UBE2O: variants seen among roughly 807,000 people sequenced by gnomAD.
The protein encoded by UBE2O is (E3-independent) E2 ubiquitin-conjugating enzyme.
A neutral mutation model predicts 125.8 loss-of-function variants in UBE2O; 15 were observed. The observed-to-expected ratio is 0.12, with a 90% CI of 0.08 to 0.18. The LOEUF (loss-of-function observed/expected upper bound fraction) is 0.18. Among genes scored for constraint, UBE2O ranks in the 10% least tolerant of loss-of-function variants. The probability of loss-of-function intolerance (pLI) is 1.00; values close to 1 mark genes in which losing one functional copy is unlikely to be tolerated. For synonymous variants in UBE2O, 708 were observed against 703.2 expected (o/e 1.01, Z -0.11); for missense variants, 1,280 against 1,723.6 (o/e 0.74, Z 4.56).
rs910951151 is a variant in UBE2O at position 76,390,219 on chromosome 17, T to C, written c.*724A>G. On this transcript the variant is annotated 3_prime_UTR_variant, in exon 18 of 18. Transcript: ENST00000319380. Reference sequence around the variant, plus strand: ...GACAGAAGAGCAAGGCACCTATAGCTGTTGCTTTCCCTGCAGCTCCCTGGT... The same window carrying C: ...GACAGAAGAGCAAGGCACCTATAGCCGTTGCTTTCCCTGCAGCTCCCTGGT... The C allele has an allele frequency of 2.6e-5, 4 of 152,904 alleles. No individual in the cohort carries two copies. Among genetic ancestry groups the C allele is most frequent in the African/African-American group, 9.6e-5 (4 of 41,464 alleles). 9.5% of individuals were successfully genotyped at this position (152,904 alleles called of 1,614,324 possible). A position where few individuals can be genotyped will look rare whatever the true frequency, so the allele number is the denominator to read the frequency against.
intron 1 of UBE2O, among the ~76,000 whole-genome samples, chr17:76,420,105 G>A (rs2072684579): frequency 1.3e-5 from 2 of 152,082 alleles, no homozygotes; most frequent in Middle Eastern, 3.2e-3. Context: ...GGCCCCCTTC[G>A]CACCACACTC....
chr17:76,419,186 TG>T (rs1355665584), intron 1 of UBE2O, among the ~76,000 whole-genome samples: 2 of 144,662 alleles, frequency 1.4e-5, no homozygotes, highest in Admixed American at 1.4e-4. Flanking sequence ...TGGGGGGCTC[TG>T]GTGAGAGGAT....
chr17:76,449,577 A>C (rs190271593), intron 1 of UBE2O, among the ~76,000 whole-genome samples: 3 of 152,238 alleles, frequency 2.0e-5, no homozygotes. Context: ...TCTGTTTAAA[A>C]AAGAAACTCA....
chr17:76,449,300 C>G (rs779246810), intron 1 of UBE2O, among the ~76,000 whole-genome samples: 11 of 152,272 alleles, frequency 7.2e-5, no homozygotes, highest in Non-Finnish European at 1.3e-4. Flanking sequence ...TGGGGCAAGG[C>G]ACTGTGGCTT....
At chr17:76,427,858 C>G (rs2072838093) in intron 1 of UBE2O, among the ~76,000 whole-genome samples, 1 of 152,310 alleles carries the variant, frequency 6.6e-6, no homozygotes, top group East Asian at 1.9e-4. Context: ...CTGGGAATGG[C>G]TCTTTTGAGG....
chr17:76,409,586 G>C (rs2072483695), intron 1 of UBE2O, among the ~76,000 whole-genome samples: 1 of 151,966 alleles, frequency 6.6e-6, no homozygotes, highest in Admixed American at 6.6e-5. Flanking sequence ...AGTAGAGATG[G>C]AGTTTCACCA....
intron 1 of UBE2O, among the ~76,000 whole-genome samples, chr17:76,426,908 T>A (rs371801297): frequency 6.6e-6 from 1 of 151,260 alleles, no homozygotes; most frequent in Admixed American, 6.6e-5. Flanking sequence ...TCTTAGTAAA[T>A]ACAACTTTTT....
At chr17:76,411,558 C>T (rs1285898478) in intron 1 of UBE2O, among the ~76,000 whole-genome samples, 1 of 152,262 alleles carries the variant, frequency 6.6e-6, no homozygotes, top group East Asian at 1.9e-4. Flanking sequence ...CCAGCCATGC[C>T]ACAGTCATCT....
At chr17:76,443,448 A>G (rs1002578467) in intron 1 of UBE2O, among the ~76,000 whole-genome samples, 10 of 151,986 alleles carry the variant, frequency 6.6e-5, no homozygotes, top group Admixed American at 1.3e-4. Flanking sequence ...ACCACCACGC[A>G]TGGCTAATTT....
intron 1 of UBE2O, among the ~76,000 whole-genome samples, chr17:76,411,432 T>C (rs2072514228): frequency 6.6e-6 from 1 of 152,122 alleles, no homozygotes; most frequent in Admixed American, 6.5e-5. Flanking sequence ...GCCTGGCCAC[T>C]AGCACCAGCA....
chr17:76,450,505 T>TG (rs2073221660), intron 1 of UBE2O, among the ~76,000 whole-genome samples: 1 of 152,104 alleles, frequency 6.6e-6, no homozygotes, highest in Non-Finnish European at 1.5e-5. Flanking sequence ...TAAACCCAGA[T>TG]GCTACAATGA....
In UBE2O at chr17:76,437,925, C is replaced by G. The variant is rs146095286; in HGVS notation, c.417+14800G>C. 2.1e-3 allele frequency among the ~76,000 whole-genome samples: 321 copies of G among 152,316 alleles called. 1 individual carries two copies. The highest frequency in any genetic ancestry group is 7.4e-3 in the African/African-American group (308 of 41,566). ...GAATTAAAGGAAGATGGGGGACAGG[C>G]TAAATACACGCTTCGAAGGGAGGTG... On this transcript the variant is annotated intron_variant, in intron 1 of 17. Coordinates refer to ENST00000319380, the MANE Select transcript of UBE2O (RefSeq NM_022066.4).
In UBE2O at chr17:76,452,412, G is replaced by C. The variant is rs972812297; in HGVS notation, c.417+313C>G. The stretch of plus-strand genomic sequence containing the variant: ...TAACGCCGAACGCGCCCCAGAACCT[G>C]AGTCCCCACGGGAGTCGGTCCACGT... On this transcript the variant is annotated intron_variant, in intron 1 of 17. Coordinates refer to ENST00000319380, the MANE Select transcript of UBE2O (RefSeq NM_022066.4). This position sits in a 1 kb window ranked among gnomAD's most constrained non-coding sequence, Gnocchi z 4.4. Among the ~76,000 whole-genome samples, 1 of 152,122 alleles carries C rather than the reference G, an allele frequency of 6.6e-6. No individual in the cohort carries two copies. The highest frequency in any genetic ancestry group is 1.5e-5 in the Non-Finnish European group (1 of 68,018).
chr17:76,417,020 G>A (rs965938146), intron 1 of UBE2O, among the ~76,000 whole-genome samples: 7 of 152,218 alleles, frequency 4.6e-5, no homozygotes, highest in Non-Finnish European at 1.0e-4. Flanking sequence ...GGGCCACAGA[G>A]TTGCCACTCC....
At chr17:76,445,727 T>C (rs1183174523) in intron 1 of UBE2O, among the ~76,000 whole-genome samples, 3 of 152,238 alleles carry the variant, frequency 2.0e-5, no homozygotes, top group African/African-American at 7.2e-5. Flanking sequence ...TCCAGAGAGT[T>C]ATCCAGTAAC....
Position 76,399,870 on chromosome 17 carries a change from C to A in UBE2O, c.1207G>T (p.Asp403Tyr). The A allele has an allele frequency of 6.2e-7, 1 of 1,613,438 alleles. No homozygotes were observed. Among genetic ancestry groups the A allele is most frequent in the South Asian group, 1.1e-5 (1 of 90,930 alleles). Residue 403 changes from aspartate (D) to tyrosine (Y), a missense_variant, in exon 9 of 18, where the codon GAC becomes TAC. Physicochemically the swap from Asp to Tyr is radical, Grantham distance 160. Transcript: ENST00000319380. The surrounding 1 kb of genome is among the most constrained non-coding windows in gnomAD (Gnocchi z 6.9). Reference protein sequence around the residue: ...QVVRIMSCSPDTQCSRDHSME... With the variant: ...QVVRIMSCSPYTQCSRDHSME... ...GAATGGTCCCGGGAACACTGGGTGT[C>A]TGGGGAGCATGACATGATCCGCACA...
intron 1 of UBE2O, among the ~76,000 whole-genome samples, chr17:76,436,426 G>A (rs1007870740): frequency 1.3e-5 from 2 of 151,958 alleles, no homozygotes; most frequent in Non-Finnish European, 2.9e-5. Context: ...GACCAATCAG[G>A]AATAAAGCTA....
intron 1 of UBE2O, among the ~76,000 whole-genome samples, chr17:76,450,125 T>C (rs1014460968): frequency 2.6e-5 from 4 of 151,642 alleles, no homozygotes; most frequent in Non-Finnish European, 4.4e-5. Context: ...TTGTCAATAA[T>C]TGGGTTCTCA....
Position 76,452,593 on chromosome 17 carries a change from T to G in UBE2O, c.417+132A>C, listed in dbSNP as rs2073270570. The G allele has an allele frequency of 8.3e-6, 7 of 840,076 alleles. No homozygotes were observed. In the East Asian group the frequency reaches 2.5e-4, roughly 30 times the overall value. The allele number at this position is 840,076 out of a possible 1,614,324, so 52.0% of individuals were successfully genotyped here. On this transcript the variant is annotated intron_variant, in intron 1 of 17. Coordinates refer to ENST00000319380, the MANE Select transcript of UBE2O (RefSeq NM_022066.4). This position sits in a 1 kb window ranked among gnomAD's most constrained non-coding sequence, Gnocchi z 4.4. ...ACTTTGCATGGAGTGTACCCTCCACTGGGGCTGTCCTCCCGCGTCGGCCAC... is the reference window on the plus strand; with the variant it reads ...ACTTTGCATGGAGTGTACCCTCCACGGGGGCTGTCCTCCCGCGTCGGCCAC...
Sources: allele counts gnomAD v4.1 joint callset (sites outside exome capture counted in the v4.1 genomes callset), GRCh38; gene constraint gnomAD v4.1.1; non-coding constraint Gnocchi (gnomAD v3.1); transcripts MANE v1.5; gene names NCBI Gene and HGNC (gene_info 2026-07-23, HGNC 2026-07-21).